Variants in ROR1 observed in about 807,000 individuals in gnomAD.
The protein encoded by ROR1 is inactive tyrosine-protein kinase transmembrane receptor ROR1.
In ROR1, 19 loss-of-function variants were observed where a neutral mutation model predicts 78.8. The observed-to-expected ratio is 0.24, with a 90% confidence interval of 0.17 to 0.35. The LOEUF (loss-of-function observed/expected upper bound fraction) is 0.35, where lower values mean the gene tolerates loss of function less well. ROR1 is among the 10% of genes least tolerant of loss of function. ROR1 has a pLI of 1.00. For missense variants in ROR1, 917 were observed against 1,177.8 expected (o/e 0.78, Z 3.24); for synonymous variants, 386 against 433.6 (o/e 0.89, Z 1.36).
chr1:63,806,060 T>C (rs1167033581), intron 1 of ROR1, among the ~76,000 whole-genome samples: 1 of 152,190 alleles, frequency 6.6e-6, no homozygotes, highest in Admixed American at 6.5e-5. Context: ...TAAGACATAT[T>C]TTATTGCCCT....
At chr1:63,786,295 CAG>C (rs1432107435) in intron 1 of ROR1, among the ~76,000 whole-genome samples, 1 of 90,548 alleles carries the variant, frequency 1.1e-5, no homozygotes, top group African/African-American at 4.1e-5. Context: ...TTTTTTGAGA[CAG>C]AGTCTCGCTC....
At chr1:64,091,314 T>A (rs6696802) in intron 4 of ROR1, among the ~76,000 whole-genome samples, 92,056 of 152,056 alleles carry the variant, frequency 0.61, 29,320 homozygotes, top group African/African-American at 0.81. Flanking sequence ...CTTAAAACAA[T>A]AACATGTTTC....
intron 1 of ROR1, among the ~76,000 whole-genome samples, chr1:63,899,607 G>A (rs1352619303): frequency 2.0e-5 from 3 of 152,026 alleles, no homozygotes; most frequent in Admixed American, 1.3e-4. Flanking sequence ...TGTCAAAGAT[G>A]TACTTGTGAA....
chr1:64,170,397 G>A (rs973794208), intron 8 of ROR1, among the ~76,000 whole-genome samples: 1 of 152,168 alleles, frequency 6.6e-6, no homozygotes, highest in African/African-American at 2.4e-5. Context: ...ACCCCTTTTA[G>A]TCATAGCTGG....
chr1:63,951,716 C>T (rs1164369752), intron 1 of ROR1, among the ~76,000 whole-genome samples: 2 of 152,184 alleles, frequency 1.3e-5, no homozygotes, highest in African/African-American at 2.4e-5. Flanking sequence ...ACACCCCCCC[C>T]TCACCACCAG....
rs183233879 is a variant in ROR1 at position 64,089,396 on chromosome 1, A to G, written c.482+38680A>G. On this transcript the variant is annotated intron_variant, in intron 4 of 8. Coordinates refer to ENST00000371079, the MANE Select transcript of ROR1 (RefSeq NM_005012.4). ...AGCTAATTTTTCGTATTTTTGGTAGAGTCAGGGATTTGCCATGTTGCCCAA... is the reference window on the plus strand; with the variant it reads ...AGCTAATTTTTCGTATTTTTGGTAGGGTCAGGGATTTGCCATGTTGCCCAA... Among the ~76,000 whole-genome samples, 24 of 152,146 alleles carry G rather than the reference A, an allele frequency of 1.6e-4. 1 individual carries two copies. Among genetic ancestry groups the G allele is most frequent in the Admixed American group, 4.6e-4 (7 of 15,272 alleles).
chr1:63,996,724 G>A (rs188010893), intron 1 of ROR1, among the ~76,000 whole-genome samples: 23 of 152,142 alleles, frequency 1.5e-4, no homozygotes, highest in African/African-American at 5.5e-4. Context: ...CTCACAGTTT[G>A]GAGCTTTGAA....
intron 1 of ROR1, among the ~76,000 whole-genome samples, chr1:63,943,115 A>G (rs1318443101): frequency 1.7e-5 from 2 of 115,590 alleles, no homozygotes; most frequent in Admixed American, 9.2e-5. Flanking sequence ...AAAAAAAAAA[A>G]AAGATTAAGT....
At chr1:64,175,141 T>G (rs1045209182) in intron 8 of ROR1, among the ~76,000 whole-genome samples, 1 of 151,976 alleles carries the variant, frequency 6.6e-6, no homozygotes, top group East Asian at 1.9e-4. Context: ...GCCCCCCTTT[T>G]TCTAGTTTCT....
At chr1:64,014,740 C>CTATATATATATATATATATATATATATA (rs1208813882) in intron 2 of ROR1, among the ~76,000 whole-genome samples, 12 of 29,052 alleles carry the variant, frequency 4.1e-4, no homozygotes, top group South Asian at 2.8e-3. Context: ...CATACGCACA[C>CTATATATATATATATATATATATATATA]TATATATATA....
chr1:63,883,214 T>C (rs981812991), intron 1 of ROR1, among the ~76,000 whole-genome samples: 4 of 152,060 alleles, frequency 2.6e-5, no homozygotes, highest in African/African-American at 9.7e-5. Flanking sequence ...AACTCTGAGA[T>C]TTTTTTCATT....
At chr1:64,142,304 G>C in intron 6 of ROR1, 101 bp from the exon 7 acceptor site, 1 of 1,519,544 alleles carries the variant, frequency 6.6e-7, no homozygotes, top group Non-Finnish European at 8.8e-7. Flanking sequence ...TGGCCACGAG[G>C]TTAATTACCT....
intron 2 of ROR1, among the ~76,000 whole-genome samples, chr1:64,015,842 A>T (rs1039085236): frequency 1.3e-5 from 2 of 152,124 alleles, no homozygotes; most frequent in African/African-American, 4.8e-5. Context: ...AAAGGTTGTC[A>T]CCTTGCCATT....
chr1:63,895,995 T>C (rs759168219), intron 1 of ROR1, among the ~76,000 whole-genome samples: 36 of 152,120 alleles, frequency 2.4e-4, no homozygotes, highest in Non-Finnish European at 3.8e-4. Flanking sequence ...GGTCGCTAGA[T>C]GGACTTGGAG....
rs199925889 is a variant in ROR1 at position 64,049,876 on chromosome 1, C to T, written c.349C>T (p.Arg117Trp). Residue 117 changes from arginine (R) to tryptophan (W), a missense_variant, in exon 3 of 9, where the codon CGG (arginine) becomes TGG (tryptophan). Arg to Trp is a moderately radical substitution (Grantham distance 101, BLOSUM62 -3). Around this residue, in one of 3 missense-constraint regions of ROR1, gnomAD observed 835 missense variants for 1,069.8 expected, o/e 0.78. Transcript: ENST00000371079. ...FRSTIYGSRLRIRNLDTTDTG... is the reference protein window; with the variant it reads ...FRSTIYGSRLWIRNLDTTDTG... ...GTCCACCATCTATGGCTCTCGGCTG[C>T]GGATTAGAAACCTCGACACCACAGA... The T allele has an allele frequency of 1.9e-6, 3 of 1,614,180 alleles. No individual in the cohort carries two copies. Among genetic ancestry groups the T allele is most frequent in the South Asian group, 1.1e-5 (1 of 91,076 alleles).
chr1:64,087,046 C>T (rs1647160771), intron 4 of ROR1, among the ~76,000 whole-genome samples: 1 of 152,074 alleles, frequency 6.6e-6, no homozygotes, highest in Non-Finnish European at 1.5e-5. Flanking sequence ...TCTTTGCCCA[C>T]CTGAAACATA....
chr1:64,155,876 A>G (rs1649755281), intron 7 of ROR1, among the ~76,000 whole-genome samples: 1 of 152,182 alleles, frequency 6.6e-6, no homozygotes, highest in Admixed American at 6.5e-5. Flanking sequence ...GTTAATAATA[A>G]CCATAACATC....
chr1:64,178,887 G>T lies in ROR1; in HGVS notation c.*32G>T, dbSNP rs763484363. ...CAACTTTTGTAAATGTGGTATACAG[G>T]ACAAACTAGACGGCCGTAGAAAAGA... On this transcript the variant is annotated 3_prime_UTR_variant, in exon 9 of 9. Transcript: ENST00000371079. The surrounding 1 kb of genome is among the most constrained non-coding windows in gnomAD (Gnocchi z 4.3). 1 of 1,478,202 alleles carries T rather than the reference G, an allele frequency of 6.8e-7. No individual in the cohort carries two copies. The highest frequency in any genetic ancestry group is 1.9e-5 in the Admixed American group (1 of 51,768). The allele number at this position is 1,478,202 out of a possible 1,614,324, so 91.6% of individuals were successfully genotyped here.
At chr1:64,053,713 A>G (rs978235194) in intron 4 of ROR1, among the ~76,000 whole-genome samples, 6 of 152,196 alleles carry the variant, frequency 3.9e-5, no homozygotes, top group Admixed American at 3.3e-4. Context: ...AATGATTAAG[A>G]GCCAGGAACT....
Sources: allele counts gnomAD v4.1 joint callset (sites outside exome capture counted in the v4.1 genomes callset), GRCh38; gene constraint gnomAD v4.1.1; regional missense constraint gnomAD v4.1.1; non-coding constraint Gnocchi (gnomAD v3.1); transcripts MANE v1.5; gene names NCBI Gene and HGNC (gene_info 2026-07-23, HGNC 2026-07-21).